Variants in DPP10 observed in about 807,000 individuals in gnomAD.
DPP10 encodes the protein dipeptidyl peptidase like 10.
Under a neutral mutation model 120.9 loss-of-function variants are expected in DPP10, and 33 were observed. The observed-to-expected ratio is 0.27, with a 90% CI of 0.21 to 0.37. The LOEUF (loss-of-function observed/expected upper bound fraction) is 0.37, where lower values mean the gene tolerates loss of function less well. Among genes scored for constraint, DPP10 ranks in the 10% least tolerant of loss-of-function variants. The pLI, the probability that DPP10 is intolerant of heterozygous loss-of-function variation, is 1.00. For synonymous variants in DPP10, 337 were observed against 326.1 expected (o/e 1.03, Z -0.36); for missense variants, 816 against 942.8 (o/e 0.87, Z 1.76).
chr2:114,802,434 G>C (rs1394518118), intron 1 of DPP10, among the ~76,000 whole-genome samples: 2 of 152,126 alleles, frequency 1.3e-5, no homozygotes, highest in Admixed American at 1.3e-4. Flanking sequence ...TTAGCCTCTT[G>C]TATTAAAAAT....
At position 115,517,931 on chromosome 2, in the gene DPP10, G is replaced by A. The variant is rs116072006; in HGVS notation, c.367-7967G>A. The stretch of plus-strand genomic sequence containing the variant: ...AGTGATTCTGTAGACTGTGCGAAAA[G>A]CATGGCCCTGGCATCTGCTTCTGGT... On this transcript the variant is annotated intron_variant, in intron 4 of 25. Coordinates refer to ENST00000410059, the MANE Select transcript of DPP10 (RefSeq NM_020868.6). 3.5e-3 allele frequency among the ~76,000 whole-genome samples: 529 copies of A among 152,304 alleles called. 2 individuals carry two copies. Among genetic ancestry groups the A allele is most frequent in the African/African-American group, 0.012 (492 of 41,572 alleles).
In DPP10 at chr2:115,604,775, T is replaced by C. The variant is rs1322020460; in HGVS notation, c.441+78803T>C. 3.3e-5 allele frequency among the ~76,000 whole-genome samples: 5 copies of C among 152,190 alleles called. No individual in the cohort carries two copies. The East Asian group carries it at 9.6e-4, about 29-fold the overall frequency. The stretch of plus-strand genomic sequence containing the variant: ...ACTTTTCATGAGGTCATTTGCTTTT[T>C]GAAAACATAAGTAGCCACCTCCTTC... On this transcript the variant is annotated intron_variant, in intron 5 of 25. Transcript: ENST00000410059.
intron 24 of DPP10, among the ~76,000 whole-genome samples, chr2:115,840,100 A>C (rs1231228295): frequency 6.6e-6 from 1 of 151,836 alleles, no homozygotes; most frequent in Non-Finnish European, 1.5e-5. Context: ...GCCATATTAA[A>C]ATTTTTTATA....
At chr2:115,576,589 A>T (rs1304314559) in intron 5 of DPP10, among the ~76,000 whole-genome samples, 1 of 152,220 alleles carries the variant, frequency 6.6e-6, no homozygotes, top group Non-Finnish European at 1.5e-5. Flanking sequence ...AGGAGACTGC[A>T]TGAGAACCAA....
chr2:115,576,601 C>T (rs1442998921), intron 5 of DPP10, among the ~76,000 whole-genome samples: 1 of 152,164 alleles, frequency 6.6e-6, no homozygotes, highest in Admixed American at 6.5e-5. Context: ...GAGAACCAAA[C>T]TTAAATGTAC....
chr2:115,731,768 G>C (rs944030345), intron 8 of DPP10, among the ~76,000 whole-genome samples: 3 of 152,162 alleles, frequency 2.0e-5, no homozygotes, highest in African/African-American at 7.2e-5. Flanking sequence ...CTCAGCCAAA[G>C]ACTCATCCTA....
chr2:115,403,226 A>G (rs2068236856), intron 3 of DPP10, among the ~76,000 whole-genome samples: 1 of 151,862 alleles, frequency 6.6e-6, no homozygotes, highest in African/African-American at 2.4e-5. Flanking sequence ...ATTCTCAACA[A>G]TTAACTATAC....
intron 1 of DPP10, among the ~76,000 whole-genome samples, chr2:115,191,123 A>C (rs920571184): frequency 6.6e-6 from 1 of 152,140 alleles, no homozygotes; most frequent in Non-Finnish European, 1.5e-5. Flanking sequence ...GGGAGCAGAG[A>C]TGGTAATCTG....
chr2:115,370,778 G>A (rs1459578888), intron 3 of DPP10, among the ~76,000 whole-genome samples: 1 of 151,972 alleles, frequency 6.6e-6, no homozygotes, highest in Non-Finnish European at 1.5e-5. Context: ...ACATGAACTG[G>A]TAGGCCTTGT....
chr2:115,811,593 C>G (rs1292634714), intron 19 of DPP10, among the ~76,000 whole-genome samples: 3 of 152,176 alleles, frequency 2.0e-5, no homozygotes, highest in Non-Finnish European at 2.9e-5. Flanking sequence ...GGCAATGTGT[C>G]ATACGTAGAT....
At chr2:114,972,735 T>C (rs535045265) in intron 1 of DPP10, among the ~76,000 whole-genome samples, 4 of 152,212 alleles carry the variant, frequency 2.6e-5, no homozygotes, top group Non-Finnish European at 5.9e-5. Flanking sequence ...ATCAAGAAAG[T>C]GTTCTATGAT....
chr2:114,666,509 G>A (rs897362992), intron 1 of DPP10, among the ~76,000 whole-genome samples: 4 of 152,110 alleles, frequency 2.6e-5, no homozygotes, highest in South Asian at 4.1e-4. Flanking sequence ...TTTAGCAAAC[G>A]CCATTTTCAT....
intron 1 of DPP10, among the ~76,000 whole-genome samples, chr2:114,709,048 G>A (rs1372653323): frequency 6.6e-6 from 1 of 152,144 alleles, no homozygotes; most frequent in South Asian, 2.1e-4. Context: ...GAGCCACAGC[G>A]CCCAGCCCCA....
intron 1 of DPP10, among the ~76,000 whole-genome samples, chr2:115,176,080 C>G (rs888657986): frequency 1.3e-5 from 2 of 152,038 alleles, no homozygotes; most frequent in Non-Finnish European, 1.5e-5. Flanking sequence ...TAATTTATGT[C>G]TTTAGCCAGG....
intron 1 of DPP10, among the ~76,000 whole-genome samples, chr2:115,226,145 A>G (rs983407954): frequency 1.3e-5 from 2 of 152,122 alleles, no homozygotes; most frequent in Non-Finnish European, 2.9e-5. Flanking sequence ...TCTGGATTGC[A>G]GATTTTGTTG....
intron 1 of DPP10, among the ~76,000 whole-genome samples, chr2:114,576,723 C>A (rs1484655643): frequency 1.3e-5 from 2 of 152,190 alleles, no homozygotes; most frequent in Admixed American, 1.3e-4. Flanking sequence ...TTCCAGGCCA[C>A]CCTACAGAAG....
At chr2:115,807,700 G>GA (rs60729473) in intron 19 of DPP10, among the ~76,000 whole-genome samples, 56,052 of 150,728 alleles carry the variant, frequency 0.37, 10,756 homozygotes, top group Middle Eastern at 0.52. Flanking sequence ...ATAGAAGAGA[G>GA]AAAAAAGGGA....
rs141666085 is a variant in DPP10, at chr2:115,734,724, A to G, written c.698-5015A>G. 2.6e-3 allele frequency among the ~76,000 whole-genome samples: 389 copies of G among 151,206 alleles called. 2 individuals are homozygous for G. The highest frequency in any genetic ancestry group is 9.2e-3 in the African/African-American group (378 of 41,094). On this transcript the variant is annotated intron_variant, in intron 8 of 25. Transcript: ENST00000410059. ...CTCAATTGGCCCTTAGCATGCATAT[A>G]TATACACACACACGTATATGTATAT...
chr2:115,261,273 G>T (rs2059240028), intron 1 of DPP10, among the ~76,000 whole-genome samples: 1 of 152,138 alleles, frequency 6.6e-6, no homozygotes, highest in Admixed American at 6.5e-5. Flanking sequence ...TCTTAAGTCG[G>T]CTAGAAGACC....
Sources: gnomAD v4.1 joint callset for allele counts (sites outside exome capture counted in the v4.1 genomes callset) on GRCh38, gnomAD v4.1.1 for gene constraint, MANE v1.5 for transcripts, NCBI Gene and HGNC (gene_info 2026-07-23, HGNC 2026-07-21) for gene names.